KIAA1671: variants seen among roughly 807,000 people sequenced by gnomAD.
KIAA1671 encodes the protein KIAA1671.
Under a neutral mutation model 131.2 loss-of-function variants are expected in KIAA1671, and 52 were observed. The observed-to-expected ratio is 0.40, with a 90% confidence interval of 0.32 to 0.50. The LOEUF (loss-of-function observed/expected upper bound fraction) is 0.50, where lower values mean the gene tolerates loss of function less well. KIAA1671 is among the 20% of genes least tolerant of loss of function. The pLI is 0.73. For synonymous variants in KIAA1671, 1,003 were observed against 961.6 expected, an observed-to-expected ratio of 1.04 and a Z score of -0.80; for missense variants, 2,360 against 2,364.2, an observed-to-expected ratio of 1.00 and a Z score of 0.04.
Position 25,039,710 on chromosome 22 carries a change from G to A in KIAA1671, c.2580G>A (p.Gln860=). Residue 860 remains glutamine (Q), a synonymous_variant, in exon 5 of 13, where the codon CAG becomes CAA. Transcript: ENST00000358431. The stretch of plus-strand genomic sequence containing the variant: ...TCAAGGCTGCCATCTGGGAAAGCCA[G>A]CATGAGGGGCCAGAGGGGGCCAGAA... ...RAIKAAIWES[Q]HEGPEGARSK... 6.6e-7 allele frequency: 1 copy of A among 1,510,466 alleles called. No individual in the cohort carries two copies. Among genetic ancestry groups the A allele is most frequent in the Non-Finnish European group, 8.9e-7 (1 of 1,123,576 alleles). 93.6% of individuals were successfully genotyped at this position (1,510,466 alleles called of 1,614,324 possible). A position where few individuals can be genotyped will look rare whatever the true frequency, so the allele number is the denominator to read the frequency against.
intron 6 of KIAA1671, among the ~76,000 whole-genome samples, chr22:25,065,760 C>T (rs1357369271): frequency 2.0e-5 from 3 of 151,942 alleles, no homozygotes; most frequent in East Asian, 1.9e-4. Flanking sequence ...CTGCCTCAGC[C>T]TCCCGAGTAG....
chr22:25,049,287 C>G lies in KIAA1671; in HGVS notation c.4453C>G (p.Gln1485Glu). Residue 1485 changes from glutamine to glutamate, a missense_variant, in exon 6 of 13, where the codon CAG becomes GAG. Physicochemically the swap from Gln to Glu is conservative, Grantham distance 29. Transcript: ENST00000358431. ...DAPQEKERPL[Q>E]QVSPVASVPW... ...CCCCCAGGAGAAGGAGCGACCGCTC[C>G]AGCAGGTGTCCCCTGTGGCCTCGGT... 6.4e-7 allele frequency: 1 copy of G among 1,551,846 alleles called. No homozygotes were observed. Among genetic ancestry groups the G allele is most frequent in the Admixed American group, 2.0e-5 (1 of 51,008 alleles).
chr22:24,953,678 C>T (rs1309780022), intron 1 of KIAA1671, among the ~76,000 whole-genome samples: 1 of 151,966 alleles, frequency 6.6e-6, no homozygotes, highest in Non-Finnish European at 1.5e-5. Flanking sequence ...CCTTTTCACA[C>T]CCTGCTGGCA....
Position 25,046,144 on chromosome 22 carries a change from A to G in KIAA1671, c.4396-3086A>G, listed in dbSNP as rs1185121974. On this transcript the variant is annotated intron_variant, in intron 5 of 12. Transcript: ENST00000358431. ...TGGTGAAACTCCATCTCTACTAAAA[A>G]TACAAAAATTAGCCGGGCTTGGTGG... 2.6e-5 allele frequency among the ~76,000 whole-genome samples: 4 copies of G among 152,182 alleles called. No individual in the cohort carries two copies. In the East Asian group the frequency reaches 7.8e-4, roughly 30 times the overall value.
intron 6 of KIAA1671, among the ~76,000 whole-genome samples, chr22:25,131,997 G>A (rs1337492902): frequency 6.6e-6 from 1 of 152,234 alleles, no homozygotes; most frequent in Non-Finnish European, 1.5e-5. Flanking sequence ...TGTGATTATG[G>A]TGGTGGTGAT....
chr22:25,141,105 C>A (rs556712173), intron 6 of KIAA1671, among the ~76,000 whole-genome samples: 2 of 152,280 alleles, frequency 1.3e-5, no homozygotes, highest in South Asian at 4.1e-4. Flanking sequence ...ATGTAATCAC[C>A]CTGCCAAATT....
intron 6 of KIAA1671, among the ~76,000 whole-genome samples, chr22:25,143,021 G>C (rs1932828437): frequency 1.3e-5 from 2 of 152,184 alleles, no homozygotes; most frequent in Non-Finnish European, 2.9e-5. Flanking sequence ...CCTTGGTAGG[G>C]ACACCTGGGC....
rs57822676 is a variant in KIAA1671 at position 25,156,012 on chromosome 22, C to CTTTTTT, written c.4531-14786_4531-14781dup. Among the ~76,000 whole-genome samples the CTTTTTT allele has an allele frequency of 1.7e-3, 59 of 35,342 alleles. 25 individuals are homozygous for CTTTTTT. Among genetic ancestry groups the CTTTTTT allele is most frequent in the South Asian group, 3.2e-3 (2 of 624 alleles). 23.2% of individuals were successfully genotyped at this position (35,342 alleles called of 152,430 possible). ...TTTTGTGCATGTATGTGTGTATGTGCTTTTTTTTTTTTTTTTTTTTTTTTT... is the reference window on the plus strand; with the variant it reads ...TTTTGTGCATGTATGTGTGTATGTGCTTTTTTTTTTTTTTTTTTTTTTTTTTTTTTT... On this transcript the variant is annotated intron_variant, in intron 6 of 12. Transcript: ENST00000358431.
At chr22:24,953,137 A>G (rs1850337815) in intron 1 of KIAA1671, among the ~76,000 whole-genome samples, 1 of 151,858 alleles carries the variant, frequency 6.6e-6, no homozygotes, top group South Asian at 2.1e-4. Flanking sequence ...CTGGGGTCCC[A>G]CTGGATCCCC....
chr22:25,106,437 T>C (rs554244759), intron 6 of KIAA1671, among the ~76,000 whole-genome samples: 3 of 152,278 alleles, frequency 2.0e-5, no homozygotes, highest in Non-Finnish European at 2.9e-5. Context: ...GTGCACCTTC[T>C]AGAAAAGGGG....
chr22:25,043,332 C>T (rs1423228011), intron 5 of KIAA1671, among the ~76,000 whole-genome samples: 3 of 152,260 alleles, frequency 2.0e-5, no homozygotes, highest in Non-Finnish European at 4.4e-5. Flanking sequence ...GAGTGTTGGG[C>T]AGAGTGCTGA....
chr22:25,103,197 TC>T (rs899617867), intron 6 of KIAA1671, among the ~76,000 whole-genome samples: 7 of 138,926 alleles, frequency 5.0e-5, no homozygotes, highest in African/African-American at 1.7e-4. Context: ...CTTGGGCAAG[TC>T]CCCCCCCAAC....
At chr22:25,051,658 AG>A (rs1384095963) in intron 6 of KIAA1671, 1 of 151,988 alleles carries the variant, frequency 6.6e-6, no homozygotes, top group Admixed American at 6.6e-5. Flanking sequence ...TTTTTATAAA[AG>A]GGGAAAGTGA....
At chr22:25,190,651 G>A in intron 11 of KIAA1671, 51 bp from the exon 12 acceptor site, 1 of 1,470,038 alleles carries the variant, frequency 6.8e-7, no homozygotes, top group Non-Finnish European at 9.3e-7. Context: ...CTGCCCGCAA[G>A]GAGCCCACAG....
intron 6 of KIAA1671, among the ~76,000 whole-genome samples, chr22:25,075,699 G>A (rs1038576357): frequency 1.0e-4 from 15 of 150,550 alleles, no homozygotes; most frequent in African/African-American, 2.2e-4. Context: ...GGGTTTCACC[G>A]TGTTAGCCAG....
chr22:25,121,702 C>T (rs748410687), intron 6 of KIAA1671, among the ~76,000 whole-genome samples: 19 of 152,134 alleles, frequency 1.2e-4, no homozygotes, highest in Admixed American at 6.6e-5. Flanking sequence ...CAGTAGATTA[C>T]TGTTCTTTAG....
intron 10 of KIAA1671, among the ~76,000 whole-genome samples, chr22:25,184,456 C>T (rs188373271): frequency 4.9e-4 from 75 of 152,320 alleles, no homozygotes; most frequent in African/African-American, 1.8e-3. Context: ...AAGCCACTTG[C>T]CACCACTCAC....
rs541479490 is a variant in KIAA1671, at chr22:25,082,386, G to A, written c.4530+33022G>A. On this transcript the variant is annotated intron_variant, in intron 6 of 12. Transcript: ENST00000358431. ...CTGAACCACAATGCGCAGAGGCCAG[G>A]CACCTCTGGAGGAAGTGGGAGATTT... Among the ~76,000 whole-genome samples, 57 of 152,290 alleles carry A rather than the reference G, an allele frequency of 3.7e-4. No individual in the cohort carries two copies. In the South Asian group the frequency reaches 0.012, roughly 32 times the overall value.
intron 6 of KIAA1671, chr22:25,054,864 C>T (rs1318620437): frequency 2.0e-5 from 3 of 149,610 alleles, no homozygotes; most frequent in African/African-American, 7.3e-5. Flanking sequence ...TAACTATGGT[C>T]TGGGGAACAG....
Sources: allele counts gnomAD v4.1 joint callset (sites outside exome capture counted in the v4.1 genomes callset), GRCh38; gene constraint gnomAD v4.1.1; transcripts MANE v1.5; gene names NCBI Gene and HGNC (gene_info 2026-07-23, HGNC 2026-07-21).